LMO3: variants seen among roughly 807,000 people sequenced by gnomAD.
LMO3 encodes the protein LIM domain only protein 3.
In LMO3, 2 loss-of-function variants were observed where a neutral mutation model predicts 15.8. The ratio of observed to expected loss-of-function variants is 0.13; its 90% CI spans 0.05 to 0.40. The LOEUF is 0.40. LMO3 is among the 10% of genes least tolerant of loss of function. The pLI, the probability that LMO3 is intolerant of heterozygous loss-of-function variation, is 0.99. For missense variants in LMO3, 86 were observed against 182.2 expected (o/e 0.47, Z 3.04); for synonymous variants, 62 against 63.8 (o/e 0.97, Z 0.13).
chr12:16,595,686 T>C (rs1477503397), intron 2 of LMO3, among the ~76,000 whole-genome samples: 2 of 151,424 alleles, frequency 1.3e-5, no homozygotes, highest in African/African-American at 4.8e-5. Flanking sequence ...GTAACAGATA[T>C]GGAGTTCAAT....
At position 16,590,624 on chromosome 12, in the gene LMO3, T is replaced by C. The variant is rs113683116; in HGVS notation, c.206+10031A>G. 5.3e-5 allele frequency among the ~76,000 whole-genome samples: 8 copies of C among 152,112 alleles called. 1 individual carries two copies. Among genetic ancestry groups the C allele is most frequent in the African/African-American group, 1.9e-4 (8 of 41,506 alleles). ...GAATTAAAAAAAAAAATCGGTATCA[T>C]TGTGATCAGGACAGTTTGATGACAT... On this transcript the variant is annotated intron_variant, in intron 2 of 3. Coordinates refer to ENST00000537304, the MANE Select transcript of LMO3 (RefSeq NM_018640.5).
At chr12:16,600,968 G>T in intron 1 of LMO3, 100 bp from the exon 2 acceptor site, 1 of 915,180 alleles carries the variant, frequency 1.1e-6, no homozygotes, top group Non-Finnish European at 1.6e-6. Flanking sequence ...TTCTAGGAGT[G>T]TTAGCTTTTC....
intron 1 of LMO3, chr12:16,605,544 C>A: frequency 1.8e-6 from 1 of 543,816 alleles, no homozygotes; most frequent in Admixed American, 3.8e-5. Flanking sequence ...CAACAAGGAC[C>A]AAAAGATTGT....
chr12:16,583,699 C>T (rs1943235419), intron 2 of LMO3, among the ~76,000 whole-genome samples: 1 of 152,146 alleles, frequency 6.6e-6, no homozygotes, highest in African/African-American at 2.4e-5. Flanking sequence ...AATGCTTAAC[C>T]ACACTGTAGG....
intron 1 of LMO3, 67 bp from the exon 2 acceptor site, chr12:16,600,935 G>GTTAAATA: frequency 8.8e-7 from 1 of 1,131,220 alleles, no homozygotes; most frequent in Non-Finnish European, 1.3e-6. Context: ...CCTCAAACAA[G>GTTAAATA]TTAAATATTT....
chr12:16,573,549 G>T (rs1236368933), intron 2 of LMO3: 1 of 152,166 alleles, frequency 6.6e-6, no homozygotes, highest in African/African-American at 2.4e-5. Context: ...GGCGATAAGG[G>T]GGGCAGTTAA....
rs776358812 is a variant in LMO3, at chr12:16,582,906, G to C, written c.206+17749C>G. 1.2e-4 allele frequency among the ~76,000 whole-genome samples: 18 copies of C among 152,068 alleles called. 1 individual carries two copies. The highest frequency in any genetic ancestry group is 2.0e-4 in the Admixed American group (3 of 15,264). ...CTACTAAAATAAAAAAATTAGCCGGGAGTGGTGGCATGCACCTGTAATCCC... is the reference window on the plus strand; with the variant it reads ...CTACTAAAATAAAAAAATTAGCCGGCAGTGGTGGCATGCACCTGTAATCCC... On this transcript the variant is annotated intron_variant, in intron 2 of 3. Transcript: ENST00000537304. This position sits in a 1 kb window ranked among gnomAD's most constrained non-coding sequence, Gnocchi z 4.1.
Position 16,550,812 on chromosome 12 carries a change from T to C in LMO3, c.*410A>G, listed in dbSNP as rs1330383185. 6.4e-6 allele frequency: 1 copy of C among 155,816 alleles called. No homozygotes were observed. The highest frequency in any genetic ancestry group is 1.4e-5 in the Non-Finnish European group (1 of 70,096). The allele number at this position is 155,816 out of a possible 1,614,324, so 9.7% of individuals were successfully genotyped here. A position where few individuals can be genotyped will look rare whatever the true frequency, so the allele number is the denominator to read the frequency against. The stretch of plus-strand genomic sequence containing the variant: ...CTGGTAAATACAGAAAGCATAAATA[T>C]ACAGTAAGTTTAAACACTGATTGTA... On this transcript the variant is annotated 3_prime_UTR_variant, in exon 4 of 4. Transcript: ENST00000537304.
chr12:16,554,153 T>A (rs1033567900), intron 3 of LMO3, among the ~76,000 whole-genome samples: 16 of 152,190 alleles, frequency 1.1e-4, no homozygotes, highest in Admixed American at 7.9e-4. Flanking sequence ...CATATAGTCT[T>A]AGAGACTTGA....
At chr12:16,580,888 CTTAT>C (rs746508315) in intron 2 of LMO3, among the ~76,000 whole-genome samples, 153 of 152,192 alleles carry the variant, frequency 1.0e-3, no homozygotes, top group Non-Finnish European at 1.7e-3. Context: ...CTGTTAACAC[CTTAT>C]TTGTTTTAAA....
chr12:16,567,082 G>A (rs1942644054), intron 2 of LMO3, among the ~76,000 whole-genome samples: 1 of 152,164 alleles, frequency 6.6e-6, no homozygotes, highest in Admixed American at 6.5e-5. Flanking sequence ...TGTATTTCCA[G>A]CTACTCAGGA....
rs1943277378 is a variant in LMO3 at position 16,585,136 on chromosome 12, T to C, written c.206+15519A>G. 6.6e-6 allele frequency among the ~76,000 whole-genome samples: 1 copy of C among 152,188 alleles called. No individual in the cohort carries two copies. The highest frequency in any genetic ancestry group is 1.5e-5 in the Non-Finnish European group (1 of 68,026). The stretch of plus-strand genomic sequence containing the variant: ...GGAATTAAGTCATGGCTTCCCCCTT[T>C]GGGTGGCGCATGCAAGCCCCAGTTC... On this transcript the variant is annotated intron_variant, in intron 2 of 3. Transcript: ENST00000537304. The surrounding 1 kb of genome is among the most constrained non-coding windows in gnomAD (Gnocchi z 4.7).
Position 16,604,202 on chromosome 12 carries a change from G to T in LMO3, c.-9+1864C>A, listed in dbSNP as rs1002713472. On this transcript the variant is annotated intron_variant, in intron 1 of 3. Transcript: ENST00000537304. The surrounding 1 kb of genome is among the most constrained non-coding windows in gnomAD (Gnocchi z 5.3). ...TTGGAAAACTGGATTGGGCCTAAAAGCTTGTTTCTCTCTGTTCACTGGCCC... is the reference window on the plus strand; with the variant it reads ...TTGGAAAACTGGATTGGGCCTAAAATCTTGTTTCTCTCTGTTCACTGGCCC... Among the ~76,000 whole-genome samples, 1 of 152,138 alleles carries T rather than the reference G, an allele frequency of 6.6e-6. No homozygotes were observed. Among genetic ancestry groups the T allele is most frequent in the Non-Finnish European group, 1.5e-5 (1 of 68,020 alleles).
intron 2 of LMO3, among the ~76,000 whole-genome samples, chr12:16,566,019 TATATATATATATATATATATAA>T (rs1264475139): frequency 4.3e-5 from 4 of 93,790 alleles, no homozygotes; most frequent in African/African-American, 2.0e-4. Context: ...TATATATATA[TATATATATATATATATATATAA>T]AATGGAGTAC....
rs1299816146 is a variant in LMO3 at position 16,551,206 on chromosome 12, G to A, written c.*16C>T. 2.1e-6 allele frequency: 3 copies of A among 1,441,820 alleles called. No homozygotes were observed. Among genetic ancestry groups the A allele is most frequent in the South Asian group, 2.3e-5 (2 of 87,532 alleles). The allele number at this position is 1,441,820 out of a possible 1,614,324, so 89.3% of individuals were successfully genotyped here. ...AATGTAGTGCTTTGTATTCTTAATGGGGTGATGTTGATAGATCAGCGAACC... is the reference window on the plus strand; with the variant it reads ...AATGTAGTGCTTTGTATTCTTAATGAGGTGATGTTGATAGATCAGCGAACC... On this transcript the variant is annotated 3_prime_UTR_variant, in exon 4 of 4. Transcript: ENST00000537304.
At chr12:16,577,777 C>T (rs950128762) in intron 2 of LMO3, among the ~76,000 whole-genome samples, 14 of 152,264 alleles carry the variant, frequency 9.2e-5, no homozygotes, top group Middle Eastern at 3.4e-3. Context: ...ATCTCACCAA[C>T]ATAATAATAT....
intron 2 of LMO3, among the ~76,000 whole-genome samples, chr12:16,590,224 T>C (rs1943447532): frequency 6.6e-6 from 1 of 152,238 alleles, no homozygotes; most frequent in Middle Eastern, 3.4e-3. Context: ...TTAGCTCTTC[T>C]TGAAGCAAAA....
At position 16,600,407 on chromosome 12, in the gene LMO3, G is replaced by A. The variant is rs574135887; in HGVS notation, c.206+248C>T. The A allele has an allele frequency of 5.5e-4, 230 of 420,552 alleles. 1 individual carries two copies. Among genetic ancestry groups the A allele is most frequent in the Admixed American group, 6.4e-4 (16 of 25,084 alleles). The allele number at this position is 420,552 out of a possible 1,614,324, so 26.1% of individuals were successfully genotyped here. A position where few individuals can be genotyped will look rare whatever the true frequency, so the allele number is the denominator to read the frequency against. ...AACTGGCAGTTTCAACATAGGCAGC[G>A]CCATAACCAACTGCCTGAGTGTGCA... On this transcript the variant is annotated intron_variant, in intron 2 of 3. Coordinates refer to ENST00000537304, the MANE Select transcript of LMO3 (RefSeq NM_018640.5).
chr12:16,553,830 G>T (rs1464780400), intron 3 of LMO3, among the ~76,000 whole-genome samples: 1 of 149,850 alleles, frequency 6.7e-6, no homozygotes, highest in Non-Finnish European at 1.5e-5. Flanking sequence ...TTTCCAGTGT[G>T]ATTTAACCAA....
Sources: allele counts gnomAD v4.1 joint callset (sites outside exome capture counted in the v4.1 genomes callset), GRCh38; gene constraint gnomAD v4.1.1; non-coding constraint Gnocchi (gnomAD v3.1); transcripts MANE v1.5; gene names NCBI Gene and HGNC (gene_info 2026-07-23, HGNC 2026-07-21).